Variants in DSCAM observed in about 807,000 individuals in gnomAD.
DSCAM encodes the protein DS cell adhesion molecule.
In DSCAM, 47 loss-of-function variants were observed where a neutral mutation model predicts 217.7. The ratio of observed to expected loss-of-function variants is 0.22; its 90% CI spans 0.17 to 0.28. DSCAM has a LOEUF of 0.28. DSCAM is among the 10% of genes least tolerant of loss of function. The probability of loss-of-function intolerance (pLI) is 1.00; values close to 1 mark genes in which losing one functional copy is unlikely to be tolerated. For missense variants in DSCAM, 2,080 were observed against 2,618.3 expected, an observed-to-expected ratio of 0.79 and a Z score of 4.49; for synonymous variants, 1,056 against 1,015.3, an observed-to-expected ratio of 1.04 and a Z score of -0.76.
intron 1 of DSCAM, among the ~76,000 whole-genome samples, chr21:40,733,386 C>T (rs1052714784): frequency 2.6e-5 from 4 of 152,204 alleles, no homozygotes; most frequent in African/African-American, 7.2e-5. Context: ...AATTACTCCA[C>T]TGGGGGTAAT....
chr21:40,384,498 T>G (rs900037242), intron 3 of DSCAM: 5 of 152,610 alleles, frequency 3.3e-5, no homozygotes, highest in African/African-American at 1.2e-4. Flanking sequence ...TCCCAGCTAC[T>G]CGGGAGGCTG....
intron 11 of DSCAM, chr21:40,212,560 C>G (rs1001590482): frequency 1.3e-5 from 2 of 152,842 alleles, no homozygotes; most frequent in African/African-American, 2.4e-5. Context: ...ACCATTCTCA[C>G]ACCAAGAACA....
Position 40,287,645 on chromosome 21 carries a change from C to A in DSCAM, c.2182+8410G>T, listed in dbSNP as rs937286395. Among the ~76,000 whole-genome samples, 5 of 152,182 alleles carry A rather than the reference C, an allele frequency of 3.3e-5. No individual in the cohort carries two copies. The South Asian group carries it at 6.2e-4, about 19-fold the overall frequency. On this transcript the variant is annotated intron_variant, in intron 10 of 32. Coordinates refer to ENST00000400454, the MANE Select transcript of DSCAM (RefSeq NM_001389.5). The stretch of plus-strand genomic sequence containing the variant: ...AGTTTTATTTCTATGAATCTCTCAA[C>A]AAAAGAATCAAGTTCCTGTTGCCCC...
Position 40,352,668 on chromosome 21 carries a change from T to C in DSCAM, c.934+797A>G, listed in dbSNP as rs565409470. On this transcript the variant is annotated intron_variant, in intron 5 of 32. Transcript: ENST00000400454. Reference sequence around the variant, plus strand: ...CAATTTAGTTCATCAAATAAAAATATATTTTCAAAAAAGGAGCATTATATT... The same window carrying C: ...CAATTTAGTTCATCAAATAAAAATACATTTTCAAAAAAGGAGCATTATATT... Among the ~76,000 whole-genome samples, 3 of 152,310 alleles carry C rather than the reference T, an allele frequency of 2.0e-5. No homozygotes were observed. In the East Asian group the frequency reaches 5.8e-4, roughly 29 times the overall value.
At chr21:40,265,025 C>T (rs2073504741) in intron 11 of DSCAM, among the ~76,000 whole-genome samples, 1 of 150,470 alleles carries the variant, frequency 6.6e-6, no homozygotes, top group African/African-American at 2.5e-5. Context: ...CCCATTTATA[C>T]TGAAAAAAAA....
At chr21:40,272,380 C>A (rs149532032) in intron 11 of DSCAM, among the ~76,000 whole-genome samples, 2 of 152,188 alleles carry the variant, frequency 1.3e-5, no homozygotes, top group East Asian at 3.9e-4. Context: ...CATGCAGTAA[C>A]CTTCCATCCC....
intron 3 of DSCAM, among the ~76,000 whole-genome samples, chr21:40,417,795 A>G (rs968398992): frequency 6.6e-6 from 1 of 152,242 alleles, no homozygotes; most frequent in Non-Finnish European, 1.5e-5. Flanking sequence ...ATCACTTGAC[A>G]TAATAGACAT....
intron 11 of DSCAM, among the ~76,000 whole-genome samples, chr21:40,240,168 G>A (rs1036565171): frequency 6.6e-5 from 10 of 152,070 alleles, no homozygotes. Flanking sequence ...GGGCAGCACC[G>A]ATCTATACAA....
At chr21:40,234,447 T>A (rs927196522) in intron 11 of DSCAM, among the ~76,000 whole-genome samples, 1 of 152,236 alleles carries the variant, frequency 6.6e-6, no homozygotes, top group East Asian at 1.9e-4. Context: ...GCCTGGCACT[T>A]GTAAGAAAAG....
intron 1 of DSCAM, among the ~76,000 whole-genome samples, chr21:40,809,758 T>C (rs1858742421): frequency 1.3e-5 from 2 of 152,190 alleles, no homozygotes; most frequent in East Asian, 1.9e-4. Context: ...AATTGAACTC[T>C]AGTGGGCAGG....
chr21:40,723,271 C>T (rs1206187384), intron 1 of DSCAM, among the ~76,000 whole-genome samples: 1 of 152,074 alleles, frequency 6.6e-6, no homozygotes, highest in Non-Finnish European at 1.5e-5. Context: ...TGTCCTAGGT[C>T]CCCAATCCCC....
intron 1 of DSCAM, among the ~76,000 whole-genome samples, chr21:40,738,766 A>G (rs553363332): frequency 6.6e-6 from 1 of 152,360 alleles, no homozygotes; most frequent in South Asian, 2.1e-4. Flanking sequence ...AGGGGACCAC[A>G]CTTGGAGAAG....
chr21:40,416,404 C>A (rs1264765480), intron 3 of DSCAM, among the ~76,000 whole-genome samples: 1 of 152,176 alleles, frequency 6.6e-6, no homozygotes, highest in Non-Finnish European at 1.5e-5. Context: ...CTTGGTTGCA[C>A]TCTGTGCCTG....
chr21:40,804,644 T>A (rs1268530455), intron 1 of DSCAM, among the ~76,000 whole-genome samples: 2 of 152,220 alleles, frequency 1.3e-5, no homozygotes, highest in Non-Finnish European at 2.9e-5. Flanking sequence ...GGTTTTCGAC[T>A]ACTTATCTGT....
chr21:40,032,177 T>C (rs2088538800), intron 32 of DSCAM, among the ~76,000 whole-genome samples: 1 of 152,168 alleles, frequency 6.6e-6, no homozygotes, highest in South Asian at 2.1e-4. Flanking sequence ...TGGTCCCCAA[T>C]GTGTGGTTCC....
Position 40,737,503 on chromosome 21 carries a change from T to C in DSCAM, c.44-28732A>G, listed in dbSNP as rs146201635. On this transcript the variant is annotated intron_variant, in intron 1 of 32. Coordinates refer to ENST00000400454, the MANE Select transcript of DSCAM (RefSeq NM_001389.5). The stretch of plus-strand genomic sequence containing the variant: ...AAAAAATACAAAAATTAGCTGGGCA[T>C]AGTGGCAGGTGCCTATAATCCCAGC... Among the ~76,000 whole-genome samples the C allele has an allele frequency of 6.4e-4, 97 of 152,232 alleles. 1 individual carries two copies. The highest frequency in any genetic ancestry group is 2.1e-3 in the African/African-American group (89 of 41,552).
intron 3 of DSCAM, among the ~76,000 whole-genome samples, chr21:40,588,069 A>G (rs1388359283): frequency 1.3e-5 from 2 of 152,144 alleles, no homozygotes; most frequent in African/African-American, 4.8e-5. Flanking sequence ...GAGAATCTAA[A>G]CTGCAGATGC....
chr21:40,738,632 T>G (rs1259934328), intron 1 of DSCAM, among the ~76,000 whole-genome samples: 1 of 152,138 alleles, frequency 6.6e-6, no homozygotes, highest in Non-Finnish European at 1.5e-5. Flanking sequence ...TAGAATCACC[T>G]AGAGTGATTG....
At chr21:40,360,781 G>A (rs2074754368) in intron 4 of DSCAM, among the ~76,000 whole-genome samples, 1 of 152,138 alleles carries the variant, frequency 6.6e-6, no homozygotes, top group African/African-American at 2.4e-5. Context: ...ACATACAAGT[G>A]CATATGTCTT....
Sources: allele counts gnomAD v4.1 joint callset (sites outside exome capture counted in the v4.1 genomes callset), GRCh38; gene constraint gnomAD v4.1.1; transcripts MANE v1.5; gene names NCBI Gene and HGNC (gene_info 2026-07-23, HGNC 2026-07-21).